Variants in FRMD4A observed in about 807,000 individuals in gnomAD.
FRMD4A encodes FERM domain-containing protein 4A.
In FRMD4A, 29 loss-of-function variants were observed where a neutral mutation model predicts 129.1. The ratio of observed to expected loss-of-function variants is 0.22; its 90% CI spans 0.17 to 0.31. FRMD4A has a LOEUF of 0.31. FRMD4A is among the 10% of genes least tolerant of loss of function. The pLI, the probability that FRMD4A is intolerant of heterozygous loss-of-function variation, is 1.00. For missense variants in FRMD4A, 1,272 were observed against 1,375.8 expected (o/e 0.92, Z 1.19); for synonymous variants, 634 against 571.6 (o/e 1.11, Z -1.56).
chr10:13,659,272 C>A, intron 21 of FRMD4A, 51 bp downstream of exon 21: 1 of 1,542,134 alleles, frequency 6.5e-7, no homozygotes, highest in South Asian at 1.1e-5. Context: ...TGACAATGCC[C>A]AATTTTAAAA....
intron 4 of FRMD4A, among the ~76,000 whole-genome samples, chr10:13,800,213 CCTAT>C (rs1271305824): frequency 6.6e-6 from 1 of 151,958 alleles, no homozygotes; most frequent in Non-Finnish European, 1.5e-5. Flanking sequence ...AAAAACATGA[CCTAT>C]CTCTCAACGA....
intron 2 of FRMD4A, among the ~76,000 whole-genome samples, chr10:14,096,495 G>A (rs957095947): frequency 9.9e-5 from 15 of 152,236 alleles, no homozygotes; most frequent in African/African-American, 3.4e-4. Flanking sequence ...GAGCTCAGAT[G>A]TGAGTTCCTA....
intron 2 of FRMD4A, among the ~76,000 whole-genome samples, chr10:14,061,382 C>T (rs58534334): frequency 0.025 from 3,807 of 152,084 alleles, 174 homozygotes; most frequent in African/African-American, 0.086. Flanking sequence ...AACCCGGAGG[C>T]GGAGGTTGCA....
intron 2 of FRMD4A, among the ~76,000 whole-genome samples, chr10:14,327,328 A>T (rs2132128811): frequency 6.6e-6 from 1 of 152,356 alleles, no homozygotes; most frequent in South Asian, 2.1e-4. Flanking sequence ...CTCATGTGCA[A>T]GGTTGGAAAT....
At position 14,235,218 on chromosome 10, in the gene FRMD4A, C is replaced by T. The variant is rs192067964; in HGVS notation, c.45+94840G>A. On this transcript the variant is annotated intron_variant, in intron 2 of 24. Transcript: ENST00000357447. Reference sequence around the variant, plus strand: ...AGGCTGGAGTGCAGTGGCGCGATCTCGGCTCACTGCAAGCTCCGCCTCCCG... The same window carrying T: ...AGGCTGGAGTGCAGTGGCGCGATCTTGGCTCACTGCAAGCTCCGCCTCCCG... Among the ~76,000 whole-genome samples, 1,405 of 148,584 alleles carry T rather than the reference C, an allele frequency of 9.5e-3. 42 individuals carry two copies. Among genetic ancestry groups the T allele is most frequent in the African/African-American group, 0.034 (1,350 of 40,288 alleles).
intron 2 of FRMD4A, among the ~76,000 whole-genome samples, chr10:14,124,537 A>G (rs1838721280): frequency 6.6e-6 from 1 of 152,268 alleles, no homozygotes; most frequent in South Asian, 2.1e-4. Context: ...TTAGCCGGGC[A>G]TGGTGGTGGG....
chr10:13,858,102 G>C (rs1026544694), intron 3 of FRMD4A, among the ~76,000 whole-genome samples: 25 of 152,160 alleles, frequency 1.6e-4, no homozygotes, highest in Non-Finnish European at 1.9e-4. Flanking sequence ...ACCGAGTACA[G>C]AGATTGTTCC....
intron 2 of FRMD4A, among the ~76,000 whole-genome samples, chr10:14,063,990 T>A (rs1012036924): frequency 6.6e-6 from 1 of 152,218 alleles, no homozygotes; most frequent in Non-Finnish European, 1.5e-5. Context: ...AGCAGCATTA[T>A]GTCAACCAGG....
chr10:13,696,789 G>T lies in FRMD4A; in HGVS notation c.976-2750C>A, dbSNP rs79755937. On this transcript the variant is annotated intron_variant, in intron 14 of 24. Coordinates refer to ENST00000357447, the MANE Select transcript of FRMD4A (RefSeq NM_018027.5). ...AATTAGAATCTTGGCTCTTCCCAGT[G>T]AATCACTATCGGACTTTGACCCTTC... Among the ~76,000 whole-genome samples, 1,261 of 152,228 alleles carry T rather than the reference G, an allele frequency of 8.3e-3. 21 individuals carry two copies. Among genetic ancestry groups the T allele is most frequent in the African/African-American group, 0.029 (1,197 of 41,542 alleles).
chr10:14,010,572 C>T (rs1026217462), intron 2 of FRMD4A, among the ~76,000 whole-genome samples: 2 of 143,630 alleles, frequency 1.4e-5, no homozygotes, highest in South Asian at 2.4e-4. Context: ...TTTCAAGGCT[C>T]TCAAAGGTTG....
chr10:14,176,903 T>C (rs111669769), intron 2 of FRMD4A, among the ~76,000 whole-genome samples: 1,633 of 152,258 alleles, frequency 0.011, 11 homozygotes, highest in Middle Eastern at 0.017. Context: ...CCGTTCCTCA[T>C]CCTCCCCGGT....
chr10:13,651,676 A>G, intron 24 of FRMD4A: 1 of 542,460 alleles, frequency 1.8e-6, no homozygotes, highest in South Asian at 2.2e-5. Context: ...CTGTCTCAAA[A>G]CAAAACATAC....
At chr10:14,185,417 G>C (rs4750480) in intron 2 of FRMD4A, among the ~76,000 whole-genome samples, 28,878 of 152,162 alleles carry the variant, frequency 0.19, 3,382 homozygotes, top group Middle Eastern at 0.27. Context: ...CACCCTAAGC[G>C]TAAGGAGAGC....
At chr10:14,212,059 T>C (rs1842947113) in intron 2 of FRMD4A, among the ~76,000 whole-genome samples, 2 of 152,122 alleles carry the variant, frequency 1.3e-5, no homozygotes, top group East Asian at 3.9e-4. Context: ...ACAGTAAGTC[T>C]TTGTTGGGGC....
intron 2 of FRMD4A, among the ~76,000 whole-genome samples, chr10:13,970,644 C>G (rs377561521): frequency 6.6e-6 from 1 of 152,070 alleles, no homozygotes; most frequent in Non-Finnish European, 1.5e-5. Flanking sequence ...GAAAAATGAG[C>G]GACACCCCCC....
intron 6 of FRMD4A, among the ~76,000 whole-genome samples, chr10:13,780,907 T>C (rs936278253): frequency 6.6e-6 from 1 of 152,228 alleles, no homozygotes; most frequent in Non-Finnish European, 1.5e-5. Flanking sequence ...AACAGCATTA[T>C]TCATGATAGG....
chr10:13,816,392 T>C (rs1478943658), intron 3 of FRMD4A, among the ~76,000 whole-genome samples: 11 of 152,258 alleles, frequency 7.2e-5, no homozygotes, highest in African/African-American at 2.7e-4. Flanking sequence ...GATGGGCATG[T>C]AGTGAGAGTG....
intron 2 of FRMD4A, among the ~76,000 whole-genome samples, chr10:14,011,425 T>A (rs2095681969): frequency 6.6e-6 from 1 of 151,664 alleles, no homozygotes; most frequent in Non-Finnish European, 1.5e-5. Flanking sequence ...CCTAGTGGAG[T>A]CTAGAACCTT....
intron 15 of FRMD4A, among the ~76,000 whole-genome samples, chr10:13,689,716 C>A (rs2085489282): frequency 6.6e-6 from 1 of 150,388 alleles, no homozygotes; most frequent in Non-Finnish European, 1.5e-5. Flanking sequence ...CCATGTCCAG[C>A]TATATTAAGA....
Sources: allele counts gnomAD v4.1 joint callset (sites outside exome capture counted in the v4.1 genomes callset), GRCh38; gene constraint gnomAD v4.1.1; transcripts MANE v1.5; gene names NCBI Gene and HGNC (gene_info 2026-07-23, HGNC 2026-07-21).